Variants in RELN observed in about 807,000 individuals in gnomAD.
The protein encoded by RELN is reelin.
A neutral mutation model predicts 427.6 loss-of-function variants in RELN; 108 were observed. The ratio of observed to expected loss-of-function variants is 0.25; its 90% CI spans 0.22 to 0.30. The LOEUF is 0.30. Ranked by LOEUF, RELN falls within the 10% of genes least tolerant of loss-of-function variation. The pLI is 1.00. For synonymous variants in RELN, 1,524 were observed against 1,513.4 expected (o/e 1.01, Z -0.16); for missense variants, 3,715 against 4,302.8 (o/e 0.86, Z 3.82).
intron 3 of RELN, among the ~76,000 whole-genome samples, chr7:103,804,241 T>C (rs1792541641): frequency 2.0e-5 from 3 of 152,132 alleles, no homozygotes; most frequent in Admixed American, 6.6e-5. Context: ...CAAGTACATA[T>C]AAGAATTATT....
At chr7:103,893,100 A>G (rs1411935852) in intron 2 of RELN, among the ~76,000 whole-genome samples, 1 of 152,090 alleles carries the variant, frequency 6.6e-6, no homozygotes, top group East Asian at 1.9e-4. Flanking sequence ...GACAGAAGAG[A>G]AAAAAATTAG....
chr7:103,621,783 A>G (rs1832223265), intron 20 of RELN, among the ~76,000 whole-genome samples: 1 of 152,196 alleles, frequency 6.6e-6, no homozygotes, highest in South Asian at 2.1e-4. Context: ...TGGGAGGCAG[A>G]GGCAGGTGGA....
At chr7:103,902,280 G>A (rs10238729) in intron 2 of RELN, among the ~76,000 whole-genome samples, 16,861 of 151,954 alleles carry the variant, frequency 0.11, 1,165 homozygotes, top group East Asian at 0.27. Context: ...TTATTGAAAT[G>A]CTATCAAATC....
In RELN at chr7:103,491,048, A is replaced by C. The variant is rs971846; in HGVS notation, c.9444-219T>G. Among the ~76,000 whole-genome samples the C allele has an allele frequency of 0.2, 29,829 of 152,236 alleles. 3,286 individuals are homozygous for C. The highest frequency in any genetic ancestry group is 0.3 in the African/African-American group (12,657 of 41,524). On this transcript the variant is annotated intron_variant, in intron 58 of 64. Transcript: ENST00000428762. ...AAGCACACGGACAACAGAATAAAAT[A>C]ATAGCATGCATAGCAATGAATTCTG...
At chr7:103,945,677 A>C (rs1036834238) in intron 1 of RELN, among the ~76,000 whole-genome samples, 1 of 152,176 alleles carries the variant, frequency 6.6e-6, no homozygotes. Context: ...TACTGTAATT[A>C]AATAATTATT....
intron 2 of RELN, among the ~76,000 whole-genome samples, chr7:103,891,517 ACTC>A (rs1794849093): frequency 6.6e-6 from 1 of 151,382 alleles, no homozygotes; most frequent in Admixed American, 6.6e-5. Context: ...TAAATGGGTG[ACTC>A]CTCCTGCAGA....
rs557775551 is a variant in RELN, at chr7:103,941,773, G to A, written c.227-24588C>T. Among the ~76,000 whole-genome samples, 8 of 151,850 alleles carry A rather than the reference G, an allele frequency of 5.3e-5. No homozygotes were observed. The East Asian group carries it at 1.5e-3, about 29-fold the overall frequency. The stretch of plus-strand genomic sequence containing the variant: ...GGTAATCAAAGAGCTGGTGACTTTT[G>A]GAAACTAAAAAGTTACAAAAGAGGC... On this transcript the variant is annotated intron_variant, in intron 1 of 64. Coordinates refer to ENST00000428762, the MANE Select transcript of RELN (RefSeq NM_005045.4).
chr7:103,938,891 C>A (rs1182788575), intron 1 of RELN, among the ~76,000 whole-genome samples: 4 of 151,624 alleles, frequency 2.6e-5, no homozygotes, highest in Non-Finnish European at 5.9e-5. Flanking sequence ...TATTTCATTA[C>A]TTTCCCAAAT....
At chr7:103,891,308 C>T (rs1385899903) in intron 2 of RELN, among the ~76,000 whole-genome samples, 1 of 152,072 alleles carries the variant, frequency 6.6e-6, no homozygotes, top group Admixed American at 6.6e-5. Flanking sequence ...ATGCATGAAA[C>T]TGGTTTGTAA....
intron 3 of RELN, among the ~76,000 whole-genome samples, chr7:103,804,528 C>A (rs1341188451): frequency 2.0e-5 from 3 of 152,232 alleles, no homozygotes; most frequent in East Asian, 3.9e-4. Context: ...AATGGAAAAT[C>A]TACACACAGC....
chr7:103,681,059 C>T (rs908611837), intron 11 of RELN, among the ~76,000 whole-genome samples: 9 of 152,142 alleles, frequency 5.9e-5, no homozygotes, highest in African/African-American at 2.2e-4. Context: ...CAAAGGGTCA[C>T]AGTGGCAGTG....
chr7:103,739,359 C>T (rs191899136), intron 6 of RELN, among the ~76,000 whole-genome samples: 124 of 152,208 alleles, frequency 8.1e-4, no homozygotes, highest in African/African-American at 2.5e-3. Context: ...TTTAGTTATA[C>T]GAGGTTTTCC....
chr7:103,480,822 T>G (rs1164938241), intron 63 of RELN, among the ~76,000 whole-genome samples: 1 of 152,208 alleles, frequency 6.6e-6, no homozygotes, highest in Non-Finnish European at 1.5e-5. Context: ...CATGCAAATG[T>G]AGCAATGCTC....
At chr7:103,492,256 A>AGT (rs1828699035) in intron 57 of RELN, among the ~76,000 whole-genome samples, 1 of 152,232 alleles carries the variant, frequency 6.6e-6, no homozygotes, top group South Asian at 2.1e-4. Flanking sequence ...CTATGTACTA[A>AGT]ATTAGTATAA....
intron 2 of RELN, among the ~76,000 whole-genome samples, chr7:103,877,322 C>T (rs1794503364): frequency 6.6e-6 from 1 of 152,160 alleles, no homozygotes; most frequent in Non-Finnish European, 1.5e-5. Context: ...AATATCCCAA[C>T]ATGTCTGCCT....
At chr7:103,736,731 T>G (rs187725162) in intron 6 of RELN, among the ~76,000 whole-genome samples, 14 of 152,340 alleles carry the variant, frequency 9.2e-5, no homozygotes, top group Admixed American at 9.2e-4. Flanking sequence ...TTGTTTCAAA[T>G]GTACTTGACA....
Position 103,492,023 on chromosome 7 carries a change from C to G in RELN, c.9373G>C (p.Val3125Leu). 1 of 1,611,138 alleles carries G rather than the reference C, an allele frequency of 6.2e-7. No homozygotes were observed. The highest frequency in any genetic ancestry group is 8.5e-7 in the Non-Finnish European group (1 of 1,178,080). ...QPGYMMQFKIVVGCEATSCGD... is the reference protein window; with the variant it reads ...QPGYMMQFKILVGCEATSCGD... ...CAAGAAGTGGCTTCACAACCCACCA[C>G]AATCTAAAACAAACATAAACAATCA... Residue 3125 changes from valine (V) to leucine (L), a missense_variant, in exon 58 of 65, where the codon GTG becomes CTG. By Grantham distance (32) the Val-to-Leu change is conservative. Coordinates refer to ENST00000428762, the MANE Select transcript of RELN (RefSeq NM_005045.4).
At chr7:103,483,602 T>G in intron 62 of RELN, 51 bp downstream of exon 62, 1 of 1,567,116 alleles carries the variant, frequency 6.4e-7, no homozygotes, top group Non-Finnish European at 8.8e-7. Flanking sequence ...TTCCCAGGGA[T>G]TCACAAAGGG....
chr7:103,578,974 T>G (rs1281985179), intron 28 of RELN, among the ~76,000 whole-genome samples: 5 of 152,246 alleles, frequency 3.3e-5, no homozygotes, highest in African/African-American at 1.2e-4. Flanking sequence ...TAACACCTAC[T>G]GCTGGTCTTT....
Sources: allele counts gnomAD v4.1 joint callset (sites outside exome capture counted in the v4.1 genomes callset), GRCh38; gene constraint gnomAD v4.1.1; transcripts MANE v1.5; gene names NCBI Gene and HGNC (gene_info 2026-07-23, HGNC 2026-07-21).